HYAL4: variants seen among roughly 807,000 people sequenced by gnomAD.
The protein encoded by HYAL4 is hyaluronidase-4.
Under a neutral mutation model 35.2 loss-of-function variants are expected in HYAL4, and 37 were observed. The ratio of observed to expected loss-of-function variants is 1.05; its 90% CI spans 0.81 to 1.38. The LOEUF (loss-of-function observed/expected upper bound fraction) is 1.38, where lower values mean the gene tolerates loss of function less well. Among genes scored for constraint, HYAL4 ranks in the 40% most tolerant of loss-of-function variants. The probability of loss-of-function intolerance (pLI) is 0.00; values close to 1 mark genes in which losing one functional copy is unlikely to be tolerated. For synonymous variants in HYAL4, 198 were observed against 203.2 expected (o/e 0.97, Z 0.22); for missense variants, 572 against 572.4 (o/e 1.00, Z 0.01).
chr7:123,784,831 G>T, the HYAL4 span, among the ~76,000 whole-genome samples: 1 of 152,160 alleles, frequency 6.6e-6, no homozygotes, highest in East Asian at 1.9e-4. Context: ...GGTAGTCGCA[G>T]GTTGGATTAT....
chr7:123,773,422 A>G, the HYAL4 span, among the ~76,000 whole-genome samples: 2 of 152,228 alleles, frequency 1.3e-5, no homozygotes, highest in African/African-American at 4.8e-5. Context: ...GAGTAAGATA[A>G]GAATAAATTA....
At chr7:123,828,037 A>G (rs1237010115), upstream of HYAL4, among the ~76,000 whole-genome samples, 4 of 152,124 alleles carry the variant, frequency 2.6e-5, no homozygotes, top group South Asian at 6.2e-4. Context: ...CTAGCTGCAC[A>G]ATGTGATCAT....
chr7:123,864,524 G>A (rs1806644984), intron 2 of HYAL4, among the ~76,000 whole-genome samples: 4 of 150,802 alleles, frequency 2.7e-5, no homozygotes, highest in Admixed American at 2.6e-4. Flanking sequence ...GAAAGAAAAG[G>A]AAGGTTGCTA....
At chr7:123,853,581 T>C (rs1370297193) in intron 2 of HYAL4, among the ~76,000 whole-genome samples, 2 of 152,210 alleles carry the variant, frequency 1.3e-5, no homozygotes, top group Non-Finnish European at 2.9e-5. Context: ...TGAAGCCAAC[T>C]TGATTGTGGT....
At chr7:123,847,540 G>A (rs1806201245) in intron 1 of HYAL4, among the ~76,000 whole-genome samples, 1 of 152,146 alleles carries the variant, frequency 6.6e-6, no homozygotes, top group Admixed American at 6.5e-5. Flanking sequence ...CACTTTGGGA[G>A]GCCCAGTCAG....
chr7:123,856,032 G>A (rs565923158), intron 2 of HYAL4, among the ~76,000 whole-genome samples: 24 of 151,818 alleles, frequency 1.6e-4, no homozygotes, highest in African/African-American at 5.6e-4. Context: ...TTCTTGTGCT[G>A]TGTTTTTCAG....
At chr7:123,858,674 A>G (rs932007763) in intron 2 of HYAL4, among the ~76,000 whole-genome samples, 1 of 152,200 alleles carries the variant, frequency 6.6e-6, no homozygotes, top group Non-Finnish European at 1.5e-5. Context: ...CAGAATAGAC[A>G]TCAATACTAT....
chr7:123,805,703 A>C, the HYAL4 span, among the ~76,000 whole-genome samples: 1 of 152,226 alleles, frequency 6.6e-6, no homozygotes, highest in South Asian at 2.1e-4. Context: ...AAGTAAGATC[A>C]TAGACTCAAA....
rs200221721 is a variant in HYAL4 at position 123,857,669 on chromosome 7, GTTTCTTTCTTTCTTTCTTTCTTTCTTTC to G, written c.-52+9548_-52+9575del. On this transcript the variant is annotated intron_variant, in intron 2 of 4. Coordinates refer to ENST00000223026, the MANE Select transcript of HYAL4 (RefSeq NM_012269.3). Reference sequence around the variant, plus strand: ...CCTTTCTTTGTTTCTTTCTTTGTTTGTTTCTTTCTTTCTTTCTTTCTTTCTTTCTTTCTTTCTTTCTTTCTTTCTTTCT... The same window carrying G: ...CCTTTCTTTGTTTCTTTCTTTGTTTGTTTCTTTCTTTCTTTCTTTCTTTCT... 6.0e-4 allele frequency among the ~76,000 whole-genome samples: 75 copies of G among 124,744 alleles called. 1 individual carries two copies. The highest frequency in any genetic ancestry group is 4.0e-3 in the South Asian group (16 of 4,038). The allele number at this position is 124,744 out of a possible 152,430, so 81.8% of individuals were successfully genotyped here.
chr7:123,827,590 T>G (rs564891155), upstream of HYAL4, among the ~76,000 whole-genome samples: 1 of 152,186 alleles, frequency 6.6e-6, no homozygotes, highest in Non-Finnish European at 1.5e-5. Context: ...AGCATGTGTT[T>G]CTAAACATAG....
chr7:123,792,153 G>GA, the HYAL4 span, among the ~76,000 whole-genome samples: 3 of 151,940 alleles, frequency 2.0e-5, no homozygotes, highest in Non-Finnish European at 2.9e-5. Flanking sequence ...AAAATAGGGG[G>GA]AAAAAAATCA....
At chr7:123,814,026 A>G in the HYAL4 span, 2 of 152,218 alleles carry the variant, frequency 1.3e-5, no homozygotes, top group African/African-American at 4.8e-5. Context: ...ATTTTAAAAT[A>G]TTTGGTCTAT....
chr7:123,766,810 C>T, the HYAL4 span, among the ~76,000 whole-genome samples: 1,115 of 152,080 alleles, frequency 7.3e-3, 18 homozygotes, highest in African/African-American at 0.026. Context: ...CATATTTCTC[C>T]CCATTTCCTG....
the HYAL4 span, among the ~76,000 whole-genome samples, chr7:123,772,066 A>C: frequency 3.9e-5 from 6 of 152,102 alleles, no homozygotes; most frequent in African/African-American, 1.4e-4. Context: ...CTTTGAACTC[A>C]GACTGACTGA....
chr7:123,832,235 T>C (rs1805894320), intron 1 of HYAL4, among the ~76,000 whole-genome samples: 1 of 152,166 alleles, frequency 6.6e-6, no homozygotes, highest in Non-Finnish European at 1.5e-5. Flanking sequence ...CTCTTTCTAA[T>C]GGAAGGAACA....
the HYAL4 span, among the ~76,000 whole-genome samples, chr7:123,803,852 A>G: frequency 6.6e-6 from 1 of 152,048 alleles, no homozygotes; most frequent in Non-Finnish European, 1.5e-5. Context: ...TCCCTTTGCA[A>G]TTTCAGCTTG....
At chr7:123,794,584 G>A in the HYAL4 span, among the ~76,000 whole-genome samples, 1 of 152,218 alleles carries the variant, frequency 6.6e-6, no homozygotes, top group African/African-American at 2.4e-5. Flanking sequence ...CCAATGTACA[G>A]CTCAGGCTGT....
chr7:123,844,762 C>A (rs1806141087), upstream of HYAL4, among the ~76,000 whole-genome samples: 1 of 152,226 alleles, frequency 6.6e-6, no homozygotes, highest in Non-Finnish European at 1.5e-5. Flanking sequence ...CTCAGCCAGG[C>A]TGCTGCCTCA....
At chr7:123,868,103 C>T (rs886460507) in intron 2 of HYAL4, 120 bp from the exon 3 acceptor site, 2 of 400,634 alleles carry the variant, frequency 5.0e-6, no homozygotes, top group African/African-American at 2.1e-5. Context: ...ATTTATAGGC[C>T]TCTTTGAGAC....
Sources: gnomAD v4.1 joint callset for allele counts (sites outside exome capture counted in the v4.1 genomes callset) on GRCh38, gnomAD v4.1.1 for gene constraint, MANE v1.5 for transcripts, NCBI Gene and HGNC (gene_info 2026-07-23, HGNC 2026-07-21) for gene names.